The following CCDC138 variants were observed in gnomAD, a reference collection of about 807,000 sequenced individuals.
CCDC138 encodes coiled-coil domain containing 138.
CCDC138 carries 66 observed loss-of-function variants against 82.3 expected under a neutral mutation model. The observed-to-expected ratio is 0.80, with a 90% confidence interval of 0.66 to 0.98. The LOEUF (loss-of-function observed/expected upper bound fraction) is 0.98, where lower values mean the gene tolerates loss of function less well. CCDC138 is among the 50% of genes least tolerant of loss of function. The pLI is 0.00. For missense variants in CCDC138, 816 were observed against 758.9 expected (o/e 1.08, Z -0.88); for synonymous variants, 297 against 265.4 (o/e 1.12, Z -1.16).
intron 9 of CCDC138, among the ~76,000 whole-genome samples, chr2:108,814,827 C>T (rs1051720334): frequency 2.0e-5 from 3 of 151,560 alleles, no homozygotes; most frequent in East Asian, 1.9e-4. Context: ...GTAGAGACAG[C>T]GTTTCACCAT....
intron 7 of CCDC138, among the ~76,000 whole-genome samples, chr2:108,811,641 G>A (rs1441556734): frequency 1.3e-5 from 2 of 152,030 alleles, no homozygotes; most frequent in South Asian, 4.2e-4. Flanking sequence ...GATTCAGAGG[G>A]TACATGTGCA....
chr2:108,800,307 C>A (rs1681681269), intron 6 of CCDC138, among the ~76,000 whole-genome samples: 1 of 152,152 alleles, frequency 6.6e-6, no homozygotes. Flanking sequence ...CTCTGTCATC[C>A]AGGCTGGAGT....
chr2:108,790,105 T>C (rs1289226423), intron 3 of CCDC138, among the ~76,000 whole-genome samples: 2 of 152,302 alleles, frequency 1.3e-5, no homozygotes, highest in South Asian at 2.1e-4. Flanking sequence ...TAACACACTT[T>C]GAACAGTTCT....
intron 5 of CCDC138, 97 bp downstream of exon 5, chr2:108,794,818 C>A: frequency 1.0e-6 from 1 of 970,292 alleles, no homozygotes; most frequent in Non-Finnish European, 1.5e-6. Flanking sequence ...ATTTTAATTA[C>A]TTTAGATAAG....
downstream of CCDC138, among the ~76,000 whole-genome samples, chr2:108,877,151 G>A (rs1696075498): frequency 6.6e-6 from 1 of 152,178 alleles, no homozygotes; most frequent in African/African-American, 2.4e-5. Context: ...GCCAAGGTGA[G>A]AATGGTGGAA....
chr2:108,878,985 ATATT>A (rs749838831), downstream of CCDC138, among the ~76,000 whole-genome samples: 9 of 152,366 alleles, frequency 5.9e-5, no homozygotes, highest in South Asian at 2.1e-4. Flanking sequence ...GTGAACAAAA[ATATT>A]TAGGATAAAG....
chr2:108,807,743 G>A (rs55718917), intron 7 of CCDC138, among the ~76,000 whole-genome samples: 2,159 of 152,048 alleles, frequency 0.014, 47 homozygotes, highest in African/African-American at 0.046. Context: ...TCAGCCTCCC[G>A]AGTATCTGGG....
intron 13 of CCDC138, among the ~76,000 whole-genome samples, chr2:108,863,025 C>A (rs933304253): frequency 2.6e-5 from 4 of 152,194 alleles, no homozygotes; most frequent in Admixed American, 1.3e-4. Context: ...TTCTACACAT[C>A]TAGAACTTAC....
At chr2:108,878,060 G>A (rs1393928617), downstream of CCDC138, among the ~76,000 whole-genome samples, 1 of 152,120 alleles carries the variant, frequency 6.6e-6, no homozygotes, top group African/African-American at 2.4e-5. Context: ...TACCACTTAC[G>A]TACTATTCTG....
At chr2:108,820,084 C>CT (rs1685418116) in intron 10 of CCDC138, among the ~76,000 whole-genome samples, 3 of 152,126 alleles carry the variant, frequency 2.0e-5, no homozygotes, top group Non-Finnish European at 4.4e-5. Context: ...ACGCAGAAGA[C>CT]ATCAACACAC....
chr2:108,796,073 G>A (rs564480350), intron 5 of CCDC138, among the ~76,000 whole-genome samples: 4 of 151,938 alleles, frequency 2.6e-5, no homozygotes, highest in African/African-American at 7.3e-5. Context: ...TTTTTGAGAC[G>A]GAGTCTCACT....
intron 11 of CCDC138, among the ~76,000 whole-genome samples, chr2:108,845,099 T>G (rs1368618242): frequency 1.3e-5 from 2 of 152,086 alleles, no homozygotes; most frequent in African/African-American, 2.4e-5. Flanking sequence ...TAGTAAAGCA[T>G]TAGAGATAAT....
At chr2:108,829,445 A>G (rs1416897064) in intron 10 of CCDC138, among the ~76,000 whole-genome samples, 1 of 152,142 alleles carries the variant, frequency 6.6e-6, no homozygotes, top group Non-Finnish European at 1.5e-5. Flanking sequence ...CTTAACACCT[A>G]TTAGAATGTT....
rs865777216 is a variant in CCDC138 at position 108,843,886 on chromosome 2, C to T, written c.1324-2852C>T. Among the ~76,000 whole-genome samples, 266 of 93,750 alleles carry T rather than the reference C, an allele frequency of 2.8e-3. 9 individuals carry two copies. The highest frequency in any genetic ancestry group is 6.9e-3 in the Middle Eastern group (1 of 144). The allele number at this position is 93,750 out of a possible 152,430, so 61.5% of individuals were successfully genotyped here. On this transcript the variant is annotated intron_variant, in intron 11 of 14. Coordinates refer to ENST00000295124, the MANE Select transcript of CCDC138 (RefSeq NM_144978.3). ...TGTGTGTGTGTGTGTGTGTTTCTTT[C>T]TTTTTTTTTTTTTTTTTTTTTTGAG... is the stretch of plus-strand genomic sequence containing the variant.
rs141272981 is a variant in CCDC138, at chr2:108,822,699, A to G, written c.1206+6594A>G. On this transcript the variant is annotated intron_variant, in intron 10 of 14. Coordinates refer to ENST00000295124, the MANE Select transcript of CCDC138 (RefSeq NM_144978.3). ...TTTAAAAACTCACTCTACAGCAACC[A>G]TTGGGTCAAAGAAGAAATCCCAAGG... Among the ~76,000 whole-genome samples the G allele has an allele frequency of 5.0e-3, 762 of 152,346 alleles. 4 individuals carry two copies. The highest frequency in any genetic ancestry group is 0.021 in the South Asian group (102 of 4,830).
rs75197789 is a variant in CCDC138 at position 108,826,128 on chromosome 2, G to A, written c.1206+10023G>A. Among the ~76,000 whole-genome samples, 62 of 152,146 alleles carry A rather than the reference G, an allele frequency of 4.1e-4. No individual in the cohort carries two copies. In the East Asian group the frequency reaches 0.012, roughly 29 times the overall value. Reference sequence around the variant, plus strand: ...CTTTTTTATTACTGAGTTTTTTGTAGGAGGTTTTGTTTTTAAATATTCAAG... The same window carrying A: ...CTTTTTTATTACTGAGTTTTTTGTAAGAGGTTTTGTTTTTAAATATTCAAG... On this transcript the variant is annotated intron_variant, in intron 10 of 14. Coordinates refer to ENST00000295124, the MANE Select transcript of CCDC138 (RefSeq NM_144978.3).
At chr2:108,846,516 G>GAA (rs758087504) in intron 11 of CCDC138, among the ~76,000 whole-genome samples, 16 of 135,080 alleles carry the variant, frequency 1.2e-4, no homozygotes, top group East Asian at 6.4e-4. Flanking sequence ...CATCTCTACC[G>GAA]AAAAAAAAAA....
intron 4 of CCDC138, among the ~76,000 whole-genome samples, chr2:108,792,957 G>C (rs536707925): frequency 4.0e-5 from 6 of 151,734 alleles, no homozygotes; most frequent in African/African-American, 1.5e-4. Flanking sequence ...CCAGTTACTC[G>C]GGAGGCTGAG....
chr2:108,849,683 A>AAAAAG (rs1691116820), intron 12 of CCDC138, among the ~76,000 whole-genome samples: 1 of 152,222 alleles, frequency 6.6e-6, no homozygotes, highest in Non-Finnish European at 1.5e-5. Flanking sequence ...AGAAAAAAAA[A>AAAAAG]TCTGACACTA....
Sources: gnomAD v4.1 joint callset for allele counts (sites outside exome capture counted in the v4.1 genomes callset) on GRCh38, gnomAD v4.1.1 for gene constraint, MANE v1.5 for transcripts, NCBI Gene and HGNC (gene_info 2026-07-23, HGNC 2026-07-21) for gene names.